RUFY1: variants seen among roughly 807,000 people sequenced by gnomAD.
RUFY1 encodes the protein RUN and FYVE domain containing 1, also known as RUN and FYVE domain-containing protein 1.
A neutral mutation model predicts 94.6 loss-of-function variants in RUFY1; 54 were observed. The ratio of observed to expected loss-of-function variants is 0.57; its 90% CI spans 0.46 to 0.72. The LOEUF (loss-of-function observed/expected upper bound fraction) is 0.72, where lower values mean the gene tolerates loss of function less well. Ranked by LOEUF, RUFY1 falls within the 30% of genes least tolerant of loss-of-function variation. The probability of loss-of-function intolerance (pLI) is 0.00; values close to 1 mark genes in which losing one functional copy is unlikely to be tolerated. For synonymous variants in RUFY1, 396 were observed against 347.3 expected, an observed-to-expected ratio of 1.14 and a Z score of -1.56; for missense variants, 883 against 883.9, an observed-to-expected ratio of 1.00 and a Z score of 0.01.
At position 179,609,619 on chromosome 5, in the gene RUFY1, GA is replaced by G; in HGVS notation, c.*102del. On this transcript the variant is annotated 3_prime_UTR_variant, in exon 18 of 18. Coordinates refer to ENST00000319449, the MANE Select transcript of RUFY1 (RefSeq NM_025158.5). Reference sequence around the variant, plus strand: ...TCTTTCCCAAGAGTATCAAAGGAAAGAATCAAATTTCTTGCCCGGTCACTGG... The same window carrying G: ...TCTTTCCCAAGAGTATCAAAGGAAAGATCAAATTTCTTGCCCGGTCACTGG... 1 of 1,245,488 alleles carries G rather than the reference GA, an allele frequency of 8.0e-7. No individual in the cohort carries two copies. The highest frequency in any genetic ancestry group is 1.1e-6 in the Non-Finnish European group (1 of 932,912). 77.2% of individuals were successfully genotyped at this position (1,245,488 alleles called of 1,614,324 possible).
At chr5:179,567,157 C>T (rs560218656) in intron 3 of RUFY1, among the ~76,000 whole-genome samples, 10 of 152,304 alleles carry the variant, frequency 6.6e-5, no homozygotes, top group African/African-American at 1.9e-4. Context: ...GTTCTCTATT[C>T]GTCTTTTGAA....
chr5:179,567,626 C>A lies in RUFY1; in HGVS notation c.704+64C>A, dbSNP rs184702613. 7 of 1,156,398 alleles carry A rather than the reference C, an allele frequency of 6.1e-6. No homozygotes were observed. In the Admixed American group the frequency reaches 9.2e-5, roughly 15 times the overall value. 71.6% of individuals were successfully genotyped at this position (1,156,398 alleles called of 1,614,324 possible). On this transcript the variant is annotated intron_variant, in intron 4 of 17. Coordinates refer to ENST00000319449, the MANE Select transcript of RUFY1 (RefSeq NM_025158.5). ...AAATAATTAGAACATAGGCTGGGTG[C>A]GGTGGCTCACACCTGTAATCCCAGC...
At chr5:179,564,327 C>T (rs544145408) in intron 3 of RUFY1, among the ~76,000 whole-genome samples, 1 of 151,604 alleles carries the variant, frequency 6.6e-6, no homozygotes. Flanking sequence ...ACCACATTGG[C>T]CAGGCTGGTC....
chr5:179,606,694 A>G (rs1220138632), intron 16 of RUFY1: 1 of 152,390 alleles, frequency 6.6e-6, no homozygotes, highest in Non-Finnish European at 1.5e-5. Flanking sequence ...CTTCTAGGTA[A>G]TATCAGTTTC....
intron 12 of RUFY1, 199 bp from the exon 13 acceptor site, chr5:179,596,363 A>G (rs1324687389): frequency 7.2e-6 from 5 of 699,288 alleles, no homozygotes; most frequent in Non-Finnish European, 1.3e-5. Flanking sequence ...AGTGGTTGCC[A>G]GGGGCTGAGG....
intron 7 of RUFY1, among the ~76,000 whole-genome samples, chr5:179,585,212 T>C (rs571475564): frequency 6.8e-4 from 104 of 152,210 alleles, no homozygotes; most frequent in Non-Finnish European, 1.2e-3. Flanking sequence ...TTTAGGTATA[T>C]GACTGCCAAC....
intron 5 of RUFY1, 49 bp from the exon 6 acceptor site, chr5:179,577,026 A>G: frequency 7.9e-7 from 1 of 1,261,840 alleles, no homozygotes; most frequent in Non-Finnish European, 1.2e-6. Context: ...TGTAAAGTTT[A>G]TGAAAAATAG....
intron 7 of RUFY1, among the ~76,000 whole-genome samples, chr5:179,582,934 C>A (rs148491996): frequency 1.9e-3 from 286 of 152,260 alleles, no homozygotes; most frequent in African/African-American, 6.7e-3. Context: ...TGTAGCATTG[C>A]AAAATGAATT....
chr5:179,587,889 G>A (rs184186223), intron 8 of RUFY1, among the ~76,000 whole-genome samples: 34 of 152,052 alleles, frequency 2.2e-4, no homozygotes, highest in Non-Finnish European at 4.0e-4. Flanking sequence ...AAAGTTAGCT[G>A]TGGTGACACA....
chr5:179,556,830 G>A (rs752716823), intron 1 of RUFY1, among the ~76,000 whole-genome samples: 1 of 152,158 alleles, frequency 6.6e-6, no homozygotes, highest in African/African-American at 2.4e-5. Flanking sequence ...GAGATGAATG[G>A]TGTTGGTTTT....
chr5:179,600,391 C>A (rs1198088150), intron 14 of RUFY1, among the ~76,000 whole-genome samples: 7 of 152,160 alleles, frequency 4.6e-5, no homozygotes, highest in Non-Finnish European at 2.9e-5. Context: ...CTGGGGAACT[C>A]CCTCCGTGCA....
chr5:179,580,631 C>G (rs1198713474), intron 6 of RUFY1, among the ~76,000 whole-genome samples: 5 of 151,944 alleles, frequency 3.3e-5, no homozygotes, highest in African/African-American at 1.2e-4. Context: ...GCGCTCCTTT[C>G]CTTCAGTAGT....
intron 5 of RUFY1, 58 bp from the exon 6 acceptor site, chr5:179,577,017 G>A: frequency 1.7e-6 from 2 of 1,170,424 alleles, no homozygotes; most frequent in South Asian, 1.2e-5. Flanking sequence ...TTCAAAGGTT[G>A]TAAAGTTTAT....
At chr5:179,560,308 C>G in intron 2 of RUFY1, 110 bp downstream of exon 2, 1 of 1,342,280 alleles carries the variant, frequency 7.5e-7, no homozygotes. Context: ...CAGCAGTGTA[C>G]AGAACAGGCA....
intron 1 of RUFY1, among the ~76,000 whole-genome samples, chr5:179,552,164 CAAAAAAAAA>C (rs563730431): frequency 1.8e-3 from 129 of 73,452 alleles, no homozygotes; most frequent in Non-Finnish European, 2.4e-3. Context: ...GACTCTGTCT[CAAAAAAAAA>C]AAAAAAAAAA....
rs1291236910 is a variant in RUFY1 at position 179,608,650 on chromosome 5, G to A, written c.1984-726G>A. On this transcript the variant is annotated intron_variant, in intron 17 of 17. Transcript: ENST00000319449. Reference sequence around the variant, plus strand: ...TTTGTCTTAAAAACACCCTTAGGCCGGGCACGGTGGCTCATGACTGTAATC... The same window carrying A: ...TTTGTCTTAAAAACACCCTTAGGCCAGGCACGGTGGCTCATGACTGTAATC... The A allele has an allele frequency of 2.3e-5, 23 of 985,024 alleles. No homozygotes were observed. The South Asian group carries it at 4.2e-4, about 18-fold the overall frequency. 61.0% of individuals were successfully genotyped at this position (985,024 alleles called of 1,614,324 possible).
chr5:179,570,350 C>G (rs1281088172), intron 5 of RUFY1, among the ~76,000 whole-genome samples: 2 of 152,210 alleles, frequency 1.3e-5, no homozygotes, highest in Non-Finnish European at 2.9e-5. Context: ...CTTGAGGAGA[C>G]TAGTCTAGAA....
chr5:179,605,753 A>G (rs1208143116), intron 15 of RUFY1, 123 bp from the exon 16 acceptor site: 1 of 739,034 alleles, frequency 1.4e-6, no homozygotes, highest in African/African-American at 1.8e-5. Flanking sequence ...TTAACAACTC[A>G]CGTTCTGGGT....
intron 8 of RUFY1, among the ~76,000 whole-genome samples, chr5:179,587,931 G>A (rs1028334504): frequency 5.3e-5 from 8 of 152,094 alleles, no homozygotes; most frequent in African/African-American, 7.2e-5. Flanking sequence ...GGGAGGCTGA[G>A]GTGAGAGGAT....
Sources: allele counts gnomAD v4.1 joint callset (sites outside exome capture counted in the v4.1 genomes callset), GRCh38; gene constraint gnomAD v4.1.1; transcripts MANE v1.5; gene names NCBI Gene and HGNC (gene_info 2026-07-23, HGNC 2026-07-21).